Variants in CHURC1 observed in about 807,000 individuals in gnomAD.
CHURC1 encodes the protein protein Churchill.
CHURC1 carries 12 observed loss-of-function variants against 15.4 expected under a neutral mutation model. The ratio of observed to expected loss-of-function variants is 0.78; its 90% CI spans 0.50 to 1.27. The LOEUF (loss-of-function observed/expected upper bound fraction) is 1.27, where lower values mean the gene tolerates loss of function less well. Ranked by LOEUF, CHURC1 falls within the 50% of genes most tolerant of loss-of-function variation. The pLI, the probability that CHURC1 is intolerant of heterozygous loss-of-function variation, is 0.00. For missense variants in CHURC1, 132 were observed against 137.8 expected (o/e 0.96, Z 0.21); for synonymous variants, 42 against 47.5 (o/e 0.88, Z 0.48).
intron 1 of CHURC1, among the ~76,000 whole-genome samples, chr14:64,923,698 T>C (rs894696939): frequency 1.3e-5 from 2 of 152,038 alleles, no homozygotes; most frequent in African/African-American, 4.8e-5. Context: ...CCTTAAGTTG[T>C]TTCTAAATAT....
At chr14:64,930,956 G>A (rs181962926) in intron 3 of CHURC1, 50 of 404,206 alleles carry the variant, frequency 1.2e-4, no homozygotes, top group Middle Eastern at 1.1e-3. Context: ...CTCACCAGTA[G>A]AAGATGGAAA....
chr14:64,932,107 C>A, intron 3 of CHURC1, 31 bp from the exon 4 acceptor site: 1 of 1,599,148 alleles, frequency 6.3e-7, no homozygotes, highest in Non-Finnish European at 8.5e-7. Context: ...CCCTGTTCCT[C>A]TAGGTAATTA....
chr14:64,930,449 G>A (rs781606149), intron 3 of CHURC1, among the ~76,000 whole-genome samples: 7 of 152,128 alleles, frequency 4.6e-5, no homozygotes, highest in South Asian at 2.1e-4. Flanking sequence ...GAACCTAACC[G>A]CCATGTATGA....
intron 1 of CHURC1, among the ~76,000 whole-genome samples, chr14:64,922,198 A>G (rs1292468517): frequency 1.3e-5 from 2 of 152,124 alleles, no homozygotes; most frequent in Non-Finnish European, 2.9e-5. Flanking sequence ...GGGTATATAC[A>G]TTGGTTAAAA....
At chr14:64,920,606 AC>A (rs1295110395) in intron 1 of CHURC1, among the ~76,000 whole-genome samples, 14 of 152,242 alleles carry the variant, frequency 9.2e-5, no homozygotes, top group African/African-American at 3.4e-4. Context: ...GACAACAGAT[AC>A]ATAGATACTT....
intron 3 of CHURC1, among the ~76,000 whole-genome samples, chr14:64,926,914 G>A (rs1884750052): frequency 1.3e-5 from 2 of 152,342 alleles, no homozygotes; most frequent in South Asian, 4.1e-4. Context: ...AAGCTGGGCA[G>A]TCGGGGAGAG....
chr14:64,922,577 CAAAAA>C (rs572205182), intron 1 of CHURC1, among the ~76,000 whole-genome samples: 6 of 84,032 alleles, frequency 7.1e-5, no homozygotes, highest in Non-Finnish European at 1.3e-4. Context: ...GACTCCGTCT[CAAAAA>C]AAAAAAAAAA....
At chr14:64,920,406 A>T (rs1040691300) in intron 1 of CHURC1, among the ~76,000 whole-genome samples, 3 of 152,206 alleles carry the variant, frequency 2.0e-5, no homozygotes, top group African/African-American at 7.2e-5. Flanking sequence ...ACCTTCCCTG[A>T]ATAATGTGTG....
Position 64,926,007 on chromosome 14 carries a change from C to A in CHURC1, c.176-3C>A. On this transcript the variant is annotated splice_polypyrimidine_tract_variant and splice_region_variant and intron_variant, in intron 2 of 3. Coordinates refer to ENST00000549115, the MANE Select transcript of CHURC1 (RefSeq NM_001386928.1). ...TTACGTAAGTCTCTCTTTGTTTTAGCAGATTTGTGTAAGAATTGTCATCAT... is the reference window on the plus strand; with the variant it reads ...TTACGTAAGTCTCTCTTTGTTTTAGAAGATTTGTGTAAGAATTGTCATCAT... 6.3e-7 allele frequency: 1 copy of A among 1,592,042 alleles called. No homozygotes were observed. Among genetic ancestry groups the A allele is most frequent in the South Asian group, 1.2e-5 (1 of 85,252 alleles).
Position 64,914,483 on chromosome 14 carries a change from T to TGACTGCGTCGCGATGTGTGGC in CHURC1, c.-7_14dup. Reference sequence around the variant, plus strand: ...GGAAGCGTTGGAGGACATTCCCTGTTGACTGCGTCGCGATGTGTGGCGACT... The same window carrying TGACTGCGTCGCGATGTGTGGC: ...GGAAGCGTTGGAGGACATTCCCTGTTGACTGCGTCGCGATGTGTGGCGACTGCGTCGCGATGTGTGGCGACT... On this transcript the variant is annotated 5_prime_UTR_variant, in exon 1 of 4. The change creates a new upstream start codon in the 5' untranslated region. Transcript: ENST00000549115. 2 of 1,614,288 alleles carry TGACTGCGTCGCGATGTGTGGC rather than the reference T, an allele frequency of 1.2e-6. No individual in the cohort carries two copies. The highest frequency in any genetic ancestry group is 1.7e-6 in the Non-Finnish European group (2 of 1,180,046).
intron 1 of CHURC1, among the ~76,000 whole-genome samples, chr14:64,922,175 G>A (rs942068392): frequency 2.0e-5 from 3 of 152,102 alleles, no homozygotes; most frequent in African/African-American, 4.8e-5. Context: ...CTTCACTAGG[G>A]TAGTGGTTAC....
At chr14:64,931,262 AGT>A (rs1885061435) in intron 3 of CHURC1, among the ~76,000 whole-genome samples, 1 of 152,212 alleles carries the variant, frequency 6.6e-6, no homozygotes, top group Non-Finnish European at 1.5e-5. Context: ...GGCTGGATGC[AGT>A]GGCTCACACC....
In CHURC1 at chr14:64,934,886, CCT is replaced by C. The variant is rs1185700591; in HGVS notation, c.*2663_*2664del. On this transcript the variant is annotated 3_prime_UTR_variant, in exon 4 of 4. Transcript: ENST00000549115. ...GTTACAAAAATTTAAAACATAAGAT[CCT>C]CTCTCTATATTTCATTATTGGTGAA... The C allele has an allele frequency of 6.1e-6, 6 of 983,762 alleles. No homozygotes were observed. The highest frequency in any genetic ancestry group is 9.4e-5 in the South Asian group (2 of 21,252). 60.9% of individuals were successfully genotyped at this position (983,762 alleles called of 1,614,324 possible). A position where few individuals can be genotyped will look rare whatever the true frequency, so the allele number is the denominator to read the frequency against.
Position 64,929,948 on chromosome 14 carries a change from C to CG in CHURC1, c.247-2190_247-2189insG, listed in dbSNP as rs56699499. On this transcript the variant is annotated intron_variant, in intron 3 of 3. Transcript: ENST00000549115. ...AACCCTCCTAGCAAAAGCCCCCCCC[C>CG]ACACACACACCAAAATTGTGTGTTT... Among the ~76,000 whole-genome samples, 190 of 120,328 alleles carry CG rather than the reference C, an allele frequency of 1.6e-3. 1 individual carries two copies. The highest frequency in any genetic ancestry group is 6.4e-3 in the African/African-American group (179 of 28,052). The allele number at this position is 120,328 out of a possible 152,430, so 78.9% of individuals were successfully genotyped here. A position where few individuals can be genotyped will look rare whatever the true frequency, so the allele number is the denominator to read the frequency against.
intron 2 of CHURC1, among the ~76,000 whole-genome samples, chr14:64,924,983 C>A (rs1192856416): frequency 1.3e-5 from 2 of 152,154 alleles, no homozygotes; most frequent in African/African-American, 4.8e-5. Flanking sequence ...CTAGAAGAAT[C>A]TTTTTCTTTC....
At chr14:64,921,090 G>A (rs1884259699) in intron 1 of CHURC1, among the ~76,000 whole-genome samples, 1 of 152,158 alleles carries the variant, frequency 6.6e-6, no homozygotes, top group South Asian at 2.1e-4. Context: ...AAGCACCATT[G>A]TAATTCAGTG....
At chr14:64,930,116 A>AT (rs1402230055) in intron 3 of CHURC1, among the ~76,000 whole-genome samples, 2 of 151,618 alleles carry the variant, frequency 1.3e-5, no homozygotes, top group African/African-American at 4.8e-5. Flanking sequence ...AGCCCTCAGA[A>AT]TAAAAAAAAA....
chr14:64,917,151 G>A (rs565059483), intron 1 of CHURC1, among the ~76,000 whole-genome samples: 3 of 152,292 alleles, frequency 2.0e-5, no homozygotes, highest in East Asian at 1.9e-4. Context: ...GAAAGAATTA[G>A]GTTGGGCACG....
At chr14:64,926,856 A>C (rs1256187205) in intron 3 of CHURC1, among the ~76,000 whole-genome samples, 1 of 152,240 alleles carries the variant, frequency 6.6e-6, no homozygotes, top group African/African-American at 2.4e-5. Context: ...GAAGGTTGAT[A>C]TAGGCCTGTA....
Sources: allele counts gnomAD v4.1 joint callset (sites outside exome capture counted in the v4.1 genomes callset), GRCh38; gene constraint gnomAD v4.1.1; transcripts MANE v1.5; gene names NCBI Gene and HGNC (gene_info 2026-07-23, HGNC 2026-07-21).